Variants in AGBL1 observed in about 807,000 individuals in gnomAD.
AGBL1 encodes the protein AGBL carboxypeptidase 1, also known as cytosolic carboxypeptidase 4.
Under a neutral mutation model 118.9 loss-of-function variants are expected in AGBL1, and 130 were observed. The observed-to-expected ratio is 1.09, with a 90% CI of 0.95 to 1.26. The LOEUF (loss-of-function observed/expected upper bound fraction) is 1.26. AGBL1 is among the 50% of genes most tolerant of loss of function. The probability of loss-of-function intolerance (pLI) is 0.00; values close to 1 mark genes in which losing one functional copy is unlikely to be tolerated. For synonymous variants in AGBL1, 555 were observed against 478.9 expected (o/e 1.16, Z -2.08); for missense variants, 1,584 against 1,298.1 (o/e 1.22, Z -3.38).
intron 5 of AGBL1, among the ~76,000 whole-genome samples, chr15:86,209,027 G>A (rs1202499088): frequency 6.6e-5 from 10 of 152,024 alleles, no homozygotes; most frequent in South Asian, 2.1e-4. Flanking sequence ...CTTTGTTCTC[G>A]TTAGTTTCAA....
At chr15:86,987,428 T>C (rs2081296229) in intron 23 of AGBL1, among the ~76,000 whole-genome samples, 1 of 152,262 alleles carries the variant, frequency 6.6e-6, no homozygotes, top group Admixed American at 6.5e-5. Flanking sequence ...TCTGTATTCA[T>C]GATTTATCAA....
At chr15:86,872,309 TGA>T (rs2079741117) in intron 22 of AGBL1, among the ~76,000 whole-genome samples, 1 of 152,166 alleles carries the variant, frequency 6.6e-6, no homozygotes, top group Non-Finnish European at 1.5e-5. Context: ...TGGAGAAAAT[TGA>T]GACACAAGCT....
At chr15:86,802,983 A>G (rs1375045262) in intron 22 of AGBL1, among the ~76,000 whole-genome samples, 2 of 152,184 alleles carry the variant, frequency 1.3e-5, no homozygotes, top group East Asian at 1.9e-4. Context: ...TTGGACTGCT[A>G]TTAACCATTA....
intron 22 of AGBL1, among the ~76,000 whole-genome samples, chr15:86,884,314 C>T (rs969408745): frequency 6.6e-6 from 1 of 152,114 alleles, no homozygotes; most frequent in East Asian, 1.9e-4. Flanking sequence ...AGGGAGGATT[C>T]ATGTTCAGGC....
intron 17 of AGBL1, among the ~76,000 whole-genome samples, chr15:86,341,272 C>G (rs2080457773): frequency 6.6e-6 from 1 of 152,180 alleles, no homozygotes; most frequent in African/African-American, 2.4e-5. Context: ...CTAGGCTGCC[C>G]TTTTCCTGAC....
At chr15:86,286,685 G>GTA (rs769698843) in intron 16 of AGBL1, among the ~76,000 whole-genome samples, 5,997 of 146,474 alleles carry the variant, frequency 0.041, 204 homozygotes, top group African/African-American at 0.09. Context: ...GTGTATGTAT[G>GTA]TATATATATA....
At chr15:86,245,714 G>A (rs979638493) in intron 6 of AGBL1, among the ~76,000 whole-genome samples, 9 of 152,114 alleles carry the variant, frequency 5.9e-5, no homozygotes, top group East Asian at 5.8e-4. Context: ...GAGTTGAAAA[G>A]GTCCCTATTA....
chr15:86,474,938 C>A (rs2082535335), intron 18 of AGBL1, among the ~76,000 whole-genome samples: 1 of 152,218 alleles, frequency 6.6e-6, no homozygotes, highest in African/African-American at 2.4e-5. Flanking sequence ...GTTCTGCAGC[C>A]TCTGCTGCTA....
intron 18 of AGBL1, among the ~76,000 whole-genome samples, chr15:86,458,712 A>G (rs2082292919): frequency 6.6e-6 from 1 of 152,220 alleles, no homozygotes; most frequent in Admixed American, 6.5e-5. Context: ...AGAGAAGGTT[A>G]TAGAGCTCAC....
intron 19 of AGBL1, among the ~76,000 whole-genome samples, chr15:86,544,514 C>A (rs908514648): frequency 6.6e-6 from 1 of 152,194 alleles, no homozygotes; most frequent in Non-Finnish European, 1.5e-5. Context: ...CTCACAGTTC[C>A]ACATGGCTGG....
chr15:86,084,294 C>G (rs932047343), intron 1 of AGBL1, among the ~76,000 whole-genome samples: 1 of 152,188 alleles, frequency 6.6e-6, no homozygotes, highest in East Asian at 1.9e-4. Context: ...GACCTCATTA[C>G]TTTCACAGCT....
chr15:86,966,888 G>A (rs1261407693), intron 23 of AGBL1, among the ~76,000 whole-genome samples: 3 of 152,036 alleles, frequency 2.0e-5, no homozygotes, highest in Middle Eastern at 3.4e-3. Flanking sequence ...CTAGATCCCC[G>A]AGAAATCACC....
intron 24 of AGBL1, among the ~76,000 whole-genome samples, chr15:87,023,637 AACAGATATAT>A: frequency 6.6e-6 from 1 of 152,240 alleles, no homozygotes; most frequent in South Asian, 2.1e-4. Context: ...GAATGGACTT[AACAGATATAT>A]ACAGAACATT....
intron 18 of AGBL1, among the ~76,000 whole-genome samples, chr15:86,443,628 G>A (rs1312029388): frequency 6.6e-6 from 1 of 151,946 alleles, no homozygotes; most frequent in East Asian, 1.9e-4. Flanking sequence ...CCAGCCTCCG[G>A]TAACTGCTAT....
intron 21 of AGBL1, among the ~76,000 whole-genome samples, chr15:86,617,594 T>A (rs988274789): frequency 7.2e-5 from 11 of 152,206 alleles, no homozygotes; most frequent in African/African-American, 2.7e-4. Flanking sequence ...TATGGTATTG[T>A]CAAAACTGTG....
At chr15:86,286,404 GTTA>G (rs1485034557) in intron 16 of AGBL1, among the ~76,000 whole-genome samples, 8 of 146,646 alleles carry the variant, frequency 5.5e-5, no homozygotes, top group African/African-American at 2.0e-4. Context: ...ATGACCAGAC[GTTA>G]TTCCTCTTGT....
At chr15:86,975,868 C>A (rs2141713020) in intron 23 of AGBL1, among the ~76,000 whole-genome samples, 2 of 152,246 alleles carry the variant, frequency 1.3e-5, no homozygotes, top group Middle Eastern at 3.4e-3. Context: ...TGTTTGAAAT[C>A]ATGGAATTTC....
chr15:86,684,354 C>A (rs1007092760), intron 22 of AGBL1, among the ~76,000 whole-genome samples: 2 of 152,124 alleles, frequency 1.3e-5, no homozygotes, highest in Non-Finnish European at 2.9e-5. Flanking sequence ...AAGTAAAGAA[C>A]CCTGGCTACA....
At chr15:86,885,482 A>C (rs1284817684) in intron 22 of AGBL1, among the ~76,000 whole-genome samples, 1 of 152,194 alleles carries the variant, frequency 6.6e-6, no homozygotes, top group Non-Finnish European at 1.5e-5. Context: ...ACCTACTTAA[A>C]AGTAAAAAAG....
Sources: gnomAD v4.1 joint callset for allele counts (sites outside exome capture counted in the v4.1 genomes callset) on GRCh38, gnomAD v4.1.1 for gene constraint, MANE v1.5 for transcripts, NCBI Gene and HGNC (gene_info 2026-07-23, HGNC 2026-07-21) for gene names.